The following CAPN7 variants were observed in gnomAD, a reference collection of about 807,000 sequenced individuals.
CAPN7 encodes calpain-7.
Under a neutral mutation model 115.2 loss-of-function variants are expected in CAPN7, and 72 were observed. That is an observed-to-expected ratio of 0.63 (90% CI 0.52 to 0.76). CAPN7 has a LOEUF of 0.76. CAPN7 is among the 30% of genes least tolerant of loss of function. CAPN7 has a pLI of 0.00. For synonymous variants in CAPN7, 344 were observed against 322.3 expected (o/e 1.07, Z -0.72); for missense variants, 905 against 971.5 (o/e 0.93, Z 0.91).
At chr3:15,219,112 C>G (rs117760655) in intron 4 of CAPN7, among the ~76,000 whole-genome samples, 1 of 152,200 alleles carries the variant, frequency 6.6e-6, no homozygotes, top group African/African-American at 2.4e-5. Context: ...TCTGTGTCCC[C>G]TCCAACCTTC....
At chr3:15,242,274 A>G (rs1389907032) in intron 16 of CAPN7, 21 bp downstream of exon 16, 3 of 1,436,946 alleles carry the variant, frequency 2.1e-6, no homozygotes, top group Admixed American at 2.1e-5. Flanking sequence ...TAGCCCAGCA[A>G]ACATTAAAAT....
intron 19 of CAPN7, 107 bp downstream of exon 19, chr3:15,247,564 A>G: frequency 1.2e-6 from 1 of 809,108 alleles, no homozygotes; most frequent in East Asian, 2.8e-5. Context: ...CATTGGATTT[A>G]TAACAATGGC....
chr3:15,231,919 C>A (rs749630786), intron 9 of CAPN7, among the ~76,000 whole-genome samples: 19 of 152,154 alleles, frequency 1.2e-4, no homozygotes, highest in Non-Finnish European at 2.4e-4. Flanking sequence ...TCTACTCTTA[C>A]AACTATACAT....
At position 15,251,207 on chromosome 3, in the gene CAPN7, T is replaced by C; in HGVS notation, c.2389T>C (p.Phe797Leu). ...CTTTTTGCCTAAACAAGAAGGACCT[T>C]TTTTCTTGGACTTTAATAGTATTAT... ...STFLPKQEGP[F>L]FLDFNSIIPI... The change falls in exon 21 of 21, where the codon TTT becomes CTT. Residue 797 changes from phenylalanine (F) to leucine (L), a missense_variant. Transcript: ENST00000253693. The C allele has an allele frequency of 6.2e-7, 1 of 1,611,118 alleles. No homozygotes were observed. The highest frequency in any genetic ancestry group is 8.5e-7 in the Non-Finnish European group (1 of 1,178,734).
In CAPN7 at chr3:15,220,994, A is replaced by C; in HGVS notation, c.638+13A>C. On this transcript the variant is annotated intron_variant, in intron 5 of 20. Coordinates refer to ENST00000253693, the MANE Select transcript of CAPN7 (RefSeq NM_014296.3). ...TAGAAGTACTCAGGTAAATAAGTTT[A>C]CAATTAATTGTAATGAAGAATTTTG... 2.5e-6 allele frequency: 4 copies of C among 1,603,130 alleles called. No individual in the cohort carries two copies. Among genetic ancestry groups the C allele is most frequent in the Non-Finnish European group, 1.7e-6 (2 of 1,170,468 alleles).
In CAPN7 at chr3:15,243,063, G is replaced by GACT. The variant is rs563150643; in HGVS notation, c.1864+811_1864+812insCTA. 3.3e-3 allele frequency among the ~76,000 whole-genome samples: 497 copies of GACT among 152,316 alleles called. 2 individuals carry two copies. Among genetic ancestry groups the GACT allele is most frequent in the Middle Eastern group, 0.031 (9 of 294 alleles). ...TGGTTGCTTTTGGTGGGTGGTCATA[G>GACT]AAGACCTCTTTGAGCAGGGATGAGA... On this transcript the variant is annotated intron_variant, in intron 16 of 20. Coordinates refer to ENST00000253693, the MANE Select transcript of CAPN7 (RefSeq NM_014296.3).
chr3:15,217,071 C>T (rs1373474702), intron 2 of CAPN7, among the ~76,000 whole-genome samples: 1 of 138,366 alleles, frequency 7.2e-6, no homozygotes, highest in African/African-American at 3.2e-5. Context: ...AACCCCATCT[C>T]TACAAAAAAA....
At chr3:15,234,370 T>C (rs557902800) in intron 11 of CAPN7, among the ~76,000 whole-genome samples, 8 of 152,270 alleles carry the variant, frequency 5.3e-5, no homozygotes, top group African/African-American at 1.9e-4. Context: ...TGATTTAGAA[T>C]AGAGATTGCA....
intron 4 of CAPN7, among the ~76,000 whole-genome samples, chr3:15,219,892 G>A (rs1040883515): frequency 7.7e-4 from 117 of 152,216 alleles, no homozygotes; most frequent in African/African-American, 2.7e-3. Context: ...TCTCACAGGG[G>A]CAACATTCAT....
Position 15,250,914 on chromosome 3 carries a change from T to C in CAPN7, c.2205-17T>C. ...AATATATATTAATACAGTAATTCTGTTCATTTTAAATGCTAGGCAATATAG... is the reference window on the plus strand; with the variant it reads ...AATATATATTAATACAGTAATTCTGCTCATTTTAAATGCTAGGCAATATAG... On this transcript the variant is annotated splice_polypyrimidine_tract_variant and intron_variant, in intron 19 of 20. Coordinates refer to ENST00000253693, the MANE Select transcript of CAPN7 (RefSeq NM_014296.3). 1 of 1,524,948 alleles carries C rather than the reference T, an allele frequency of 6.6e-7. No homozygotes were observed. Among genetic ancestry groups the C allele is most frequent in the South Asian group, 1.1e-5 (1 of 88,690 alleles). The allele number at this position is 1,524,948 out of a possible 1,614,324, so 94.5% of individuals were successfully genotyped here.
intron 16 of CAPN7, among the ~76,000 whole-genome samples, chr3:15,243,043 G>T (rs1247315954): frequency 6.6e-6 from 1 of 152,180 alleles, no homozygotes; most frequent in Non-Finnish European, 1.5e-5. Flanking sequence ...GTGACTGGTT[G>T]CTTTTGGTGG....
At position 15,241,598 on chromosome 3, in the gene CAPN7, C is replaced by T; in HGVS notation, c.1788+10C>T. On this transcript the variant is annotated intron_variant, in intron 15 of 20. Coordinates refer to ENST00000253693, the MANE Select transcript of CAPN7 (RefSeq NM_014296.3). ...ACACATAACAGACAAGGTACTGATA[C>T]CCTTCTAATGATATCCCATACAGAA... 1 of 1,611,288 alleles carries T rather than the reference C, an allele frequency of 6.2e-7. No homozygotes were observed. The highest frequency in any genetic ancestry group is 8.5e-7 in the Non-Finnish European group (1 of 1,178,596).
intron 19 of CAPN7, among the ~76,000 whole-genome samples, chr3:15,249,396 T>A (rs1037448179): frequency 7.2e-5 from 11 of 152,318 alleles, no homozygotes; most frequent in Non-Finnish European, 2.9e-5. Context: ...TTTTCTCAGA[T>A]TGTCATTTTT....
intron 16 of CAPN7, among the ~76,000 whole-genome samples, chr3:15,244,514 T>A (rs1695544172): frequency 6.6e-6 from 1 of 152,228 alleles, no homozygotes; most frequent in African/African-American, 2.4e-5. Context: ...ATGCCAATTC[T>A]TTACTCTTCT....
intron 14 of CAPN7, 65 bp from the exon 15 acceptor site, chr3:15,241,388 T>A: frequency 6.7e-7 from 1 of 1,485,348 alleles, no homozygotes; most frequent in African/African-American, 1.4e-5. Flanking sequence ...CTTTTTGAAA[T>A]AGTGTTATAT....
Position 15,206,526 on chromosome 3 carries a change from G to C in CAPN7, c.31G>C (p.Val11Leu). The C allele has an allele frequency of 6.4e-7, 1 of 1,555,202 alleles. No homozygotes were observed. Among genetic ancestry groups the C allele is most frequent in the Non-Finnish European group, 8.7e-7 (1 of 1,149,916 alleles). The change falls in exon 1 of 21, where the codon GTG (valine) becomes CTG (leucine). Residue 11 changes from valine to leucine, a missense_variant. Physicochemically the swap from Val to Leu is conservative, Grantham distance 32. Coordinates refer to ENST00000253693, the MANE Select transcript of CAPN7 (RefSeq NM_014296.3). ...CGCCACAGCACTGGAGCGGGACGCT[G>C]TGCAGTTCGCCCGTCTGGCGGTTCA... Reference protein sequence around the residue: MDATALERDAVQFARLAVQRD... With the variant: MDATALERDALQFARLAVQRD...
Position 15,242,287 on chromosome 3 carries a change from A to T in CAPN7, c.1864+34A>T, listed in dbSNP as rs761485589. The T allele has an allele frequency of 2.3e-6, 3 of 1,281,848 alleles. No individual in the cohort carries two copies. The Admixed American group carries it at 6.8e-5, about 29-fold the overall frequency. The allele number at this position is 1,281,848 out of a possible 1,614,324, so 79.4% of individuals were successfully genotyped here. ...AGTAGCCCAGCAAACATTAAAATAA[A>T]CATACATAAGATTTTATTTATATGA... On this transcript the variant is annotated intron_variant, in intron 16 of 20. Transcript: ENST00000253693.
chr3:15,249,382 A>G (rs371571811), intron 19 of CAPN7, among the ~76,000 whole-genome samples: 11 of 152,138 alleles, frequency 7.2e-5, no homozygotes, highest in East Asian at 5.8e-4. Context: ...ATATTTGTGG[A>G]TATTTTTCTC....
intron 6 of CAPN7, among the ~76,000 whole-genome samples, chr3:15,224,195 A>G (rs1411721431): frequency 6.6e-6 from 1 of 152,194 alleles, no homozygotes; most frequent in Non-Finnish European, 1.5e-5. Flanking sequence ...TACTCAAAAT[A>G]AGTATTTAAA....
Sources: gnomAD v4.1 joint callset for allele counts (sites outside exome capture counted in the v4.1 genomes callset) on GRCh38, gnomAD v4.1.1 for gene constraint, MANE v1.5 for transcripts, NCBI Gene and HGNC (gene_info 2026-07-23, HGNC 2026-07-21) for gene names.